RNF19B: variants seen among roughly 807,000 people sequenced by gnomAD.
The protein encoded by RNF19B is E3 ubiquitin-protein ligase RNF19B.
RNF19B carries 23 observed loss-of-function variants against 65.5 expected under a neutral mutation model. The observed-to-expected ratio is 0.35, with a 90% CI of 0.25 to 0.50. RNF19B has a LOEUF of 0.50. Among genes scored for constraint, RNF19B ranks in the 20% least tolerant of loss-of-function variants. RNF19B has a pLI of 0.98. For missense variants in RNF19B, 794 were observed against 980.0 expected (o/e 0.81, Z 2.53); for synonymous variants, 372 against 379.6 (o/e 0.98, Z 0.23).
At chr1:32,933,989 G>A (rs765662387), downstream of RNF19B, among the ~76,000 whole-genome samples, 11 of 152,150 alleles carry the variant, frequency 7.2e-5, no homozygotes, top group Non-Finnish European at 1.6e-4. Context: ...GTTCTCTCGA[G>A]GCTTCAAGAG....
chr1:32,943,140 C>CAA (rs56338843), intron 6 of RNF19B, among the ~76,000 whole-genome samples: 2 of 129,988 alleles, frequency 1.5e-5, no homozygotes, highest in Non-Finnish European at 1.7e-5. Context: ...GACTCCGTCT[C>CAA]AAAAAAAAAA....
chr1:32,950,161 T>C (rs982430519), intron 1 of RNF19B, among the ~76,000 whole-genome samples: 2 of 151,922 alleles, frequency 1.3e-5, no homozygotes, highest in African/African-American at 4.8e-5. Context: ...TTAGTAGAGA[T>C]GGGGTTTCAC....
chr1:32,941,941 C>CA (rs1642244374), intron 7 of RNF19B, among the ~76,000 whole-genome samples: 1 of 151,892 alleles, frequency 6.6e-6, no homozygotes, highest in South Asian at 2.1e-4. Flanking sequence ...ACTAAAAATA[C>CA]AAAAAATTAG....
intron 5 of RNF19B, 140 bp from the exon 6 acceptor site, chr1:32,944,299 G>A (rs1280953802): frequency 9.5e-6 from 8 of 840,278 alleles, no homozygotes; most frequent in Admixed American, 5.9e-5. Flanking sequence ...GTGGCCTGGT[G>A]TAACAGAATG....
chr1:32,934,227 A>G (rs1201782347), downstream of RNF19B, among the ~76,000 whole-genome samples: 1 of 152,238 alleles, frequency 6.6e-6, no homozygotes, highest in Non-Finnish European at 1.5e-5. Context: ...TGTTGTCCAG[A>G]CTTGCCATCC....
chr1:32,942,178 G>GC (rs1642250561), intron 7 of RNF19B, 74 bp downstream of exon 7: 2 of 1,201,414 alleles, frequency 1.7e-6, no homozygotes, highest in Admixed American at 3.9e-5. Context: ...CACAAGCCTG[G>GC]CACAGAGAAA....
In RNF19B at chr1:32,955,889, G is replaced by C. The variant is rs187353400; in HGVS notation, c.636-6115C>G. On this transcript the variant is annotated intron_variant, in intron 1 of 8. Coordinates refer to ENST00000235150, the MANE Select transcript of RNF19B (RefSeq NM_001300826.2). Reference sequence around the variant, plus strand: ...TTAGCTTAACCAATCAGTCAGGCTTGCTAATCAGAAGCTAAAAGAAAGGTG... The same window carrying C: ...TTAGCTTAACCAATCAGTCAGGCTTCCTAATCAGAAGCTAAAAGAAAGGTG... 2.9e-3 allele frequency among the ~76,000 whole-genome samples: 446 copies of C among 152,278 alleles called. 5 individuals are homozygous for C. Among genetic ancestry groups the C allele is most frequent in the Non-Finnish European group, 4.0e-3 (275 of 68,026 alleles).
chr1:32,948,070 G>T, intron 3 of RNF19B, 152 bp downstream of exon 3: 1 of 695,090 alleles, frequency 1.4e-6, no homozygotes, highest in East Asian at 2.7e-5. Context: ...ATAGTAGCTG[G>T]TGAAAACATG....
chr1:32,933,400 G>A (rs931591959), downstream of RNF19B, among the ~76,000 whole-genome samples: 5 of 151,926 alleles, frequency 3.3e-5, no homozygotes, highest in Admixed American at 6.6e-5. Flanking sequence ...GACTACAGGC[G>A]CCCACCACTA....
intron 1 of RNF19B, among the ~76,000 whole-genome samples, chr1:32,958,173 C>T (rs567006989): frequency 6.6e-5 from 10 of 152,194 alleles, no homozygotes; most frequent in East Asian, 1.9e-4. Flanking sequence ...CTTAAAGATG[C>T]TACAGAAAAA....
chr1:32,954,851 C>T (rs1642597458), intron 1 of RNF19B, among the ~76,000 whole-genome samples: 1 of 151,934 alleles, frequency 6.6e-6, no homozygotes, highest in South Asian at 2.1e-4. Context: ...CATGTGAGAC[C>T]TTGTCCTCAA....
chr1:32,961,851 A>G (rs1023294752), intron 1 of RNF19B, among the ~76,000 whole-genome samples: 3 of 152,210 alleles, frequency 2.0e-5, no homozygotes, highest in Admixed American at 6.5e-5. Flanking sequence ...AACTGACTTT[A>G]GAAAAATAAA....
chr1:32,944,006 T>A lies in RNF19B; in HGVS notation c.1402+13A>T. 1 of 1,594,010 alleles carries A rather than the reference T, an allele frequency of 6.3e-7. No homozygotes were observed. The highest frequency in any genetic ancestry group is 1.8e-5 in the Admixed American group (1 of 56,556). On this transcript the variant is annotated intron_variant, in intron 6 of 8. Transcript: ENST00000235150. ...TCATAAATTCAAATGGAAATAAACA[T>A]CCTGCTTTTTACCTGTGATTGGACC... is the stretch of plus-strand genomic sequence containing the variant.
At chr1:32,953,688 A>G (rs1302669765) in intron 1 of RNF19B, among the ~76,000 whole-genome samples, 1 of 152,030 alleles carries the variant, frequency 6.6e-6, no homozygotes, top group East Asian at 1.9e-4. Context: ...AATAACTACT[A>G]AAGATAAACA....
At chr1:32,961,975 G>GTT (rs543372858) in intron 1 of RNF19B, among the ~76,000 whole-genome samples, 6 of 145,622 alleles carry the variant, frequency 4.1e-5, no homozygotes, top group Non-Finnish European at 9.1e-5. Flanking sequence ...GCAGTGTTTT[G>GTT]TTTTTTTTTT....
intron 3 of RNF19B, among the ~76,000 whole-genome samples, chr1:32,947,954 C>A (rs1642406747): frequency 1.3e-5 from 2 of 151,950 alleles, no homozygotes. Context: ...AGAAAGCATT[C>A]TAGGCAAAGG....
chr1:32,954,037 T>C (rs912189832), intron 1 of RNF19B, among the ~76,000 whole-genome samples: 1 of 150,406 alleles, frequency 6.6e-6, no homozygotes, highest in Non-Finnish European at 1.5e-5. Context: ...GCCTCCCAAG[T>C]AGCTGGGCTT....
At chr1:32,933,477 G>C (rs1015991460), downstream of RNF19B, among the ~76,000 whole-genome samples, 3 of 152,058 alleles carry the variant, frequency 2.0e-5, no homozygotes, top group East Asian at 3.9e-4. Flanking sequence ...GGATGGTCTC[G>C]ATCTCCCGAC....
downstream of RNF19B, among the ~76,000 whole-genome samples, chr1:32,934,934 G>A (rs1055310368): frequency 6.6e-6 from 1 of 152,020 alleles, no homozygotes; most frequent in Non-Finnish European, 1.5e-5. Context: ...CCGAGTTCAA[G>A]TGATTCTCCT....
Sources: gnomAD v4.1 joint callset for allele counts (sites outside exome capture counted in the v4.1 genomes callset) on GRCh38, gnomAD v4.1.1 for gene constraint, MANE v1.5 for transcripts, NCBI Gene and HGNC (gene_info 2026-07-23, HGNC 2026-07-21) for gene names.